The following CD8B2 variants were observed in gnomAD, a reference collection of about 807,000 sequenced individuals.
CD8B2 encodes the protein T-cell surface glycoprotein CD8 beta-2 chain.
In CD8B2, 11 loss-of-function variants were observed where a neutral mutation model predicts 23.7. The ratio of observed to expected loss-of-function variants is 0.46; its 90% confidence interval spans 0.29 to 0.77. The LOEUF is 0.77. Ranked by LOEUF, CD8B2 falls within the 30% of genes least tolerant of loss-of-function variation. The pLI is 0.09. For missense variants in CD8B2, 197 were observed against 270.5 expected (o/e 0.73, Z 1.91); for synonymous variants, 90 against 109.3 (o/e 0.82, Z 1.10).
In CD8B2 at chr2:106,507,761, C is replaced by T. The variant is rs62154010; in HGVS notation, c.*821C>T. ...CAGAAGGAGAAAATTTGTACATCCT[C>T]CTTTTGCACCTGAGATCCTCATTTG... is the stretch of plus-strand genomic sequence containing the variant. On this transcript the variant is annotated 3_prime_UTR_variant, in exon 6 of 6. Transcript: ENST00000643224. 9,086 of 397,834 alleles carry T rather than the reference C, an allele frequency of 0.023. No homozygotes were observed. Among genetic ancestry groups the T allele is most frequent in the Non-Finnish European group, 0.028 (8,289 of 293,006 alleles). The allele number at this position is 397,834 out of a possible 1,614,324, so 24.6% of individuals were successfully genotyped here.
At chr2:106,512,727 G>A (rs1294725258), downstream of CD8B2, among the ~76,000 whole-genome samples, 1 of 152,192 alleles carries the variant, frequency 6.6e-6, no homozygotes, top group Non-Finnish European at 1.5e-5. Flanking sequence ...TTACAGGCAT[G>A]AGCCACCATG....
chr2:106,537,659 C>A (rs1680109827), intron 5 of CD8B2, among the ~76,000 whole-genome samples: 1 of 152,062 alleles, frequency 6.6e-6, no homozygotes. Flanking sequence ...TGTGGAATGC[C>A]CGAGGAAGCG....
chr2:106,533,193 CA>C (rs1680016627), intron 5 of CD8B2, among the ~76,000 whole-genome samples: 1 of 152,136 alleles, frequency 6.6e-6, no homozygotes, highest in African/African-American at 2.4e-5. Flanking sequence ...CCACAGAGGG[CA>C]GAATCCGGGG....
At chr2:106,537,625 T>C (rs967574847) in intron 5 of CD8B2, among the ~76,000 whole-genome samples, 2 of 152,044 alleles carry the variant, frequency 1.3e-5, no homozygotes, top group Non-Finnish European at 2.9e-5. Flanking sequence ...CCTTCAGCTC[T>C]CTAAACACCA....
intron 2 of CD8B2, among the ~76,000 whole-genome samples, chr2:106,494,207 G>A (rs1387490272): frequency 1.3e-5 from 2 of 150,982 alleles, no homozygotes; most frequent in African/African-American, 4.9e-5. Flanking sequence ...GAGTTTAGTG[G>A]CAGGATCTTG....
At chr2:106,522,844 C>T (rs935110536) in intron 5 of CD8B2, among the ~76,000 whole-genome samples, 4 of 152,230 alleles carry the variant, frequency 2.6e-5, no homozygotes, top group Non-Finnish European at 4.4e-5. Flanking sequence ...GCACCTTGTT[C>T]CCTGCCCCAC....
chr2:106,534,073 T>C (rs1386757095), intron 5 of CD8B2, among the ~76,000 whole-genome samples: 1 of 152,182 alleles, frequency 6.6e-6, no homozygotes, highest in Non-Finnish European at 1.5e-5. Flanking sequence ...CAGTTACAAA[T>C]CCCAGTCTGC....
chr2:106,504,510 C>T (rs1679469376), intron 5 of CD8B2, among the ~76,000 whole-genome samples, 185 bp downstream of exon 5: 1 of 152,022 alleles, frequency 6.6e-6, no homozygotes, highest in African/African-American at 2.4e-5. Context: ...CACTTGAGCC[C>T]AGGGGTTCAA....
At chr2:106,513,548 T>TA (rs1679677417), downstream of CD8B2, among the ~76,000 whole-genome samples, 1 of 150,216 alleles carries the variant, frequency 6.7e-6, no homozygotes, top group Non-Finnish European at 1.5e-5. Context: ...AGGGCAAAGT[T>TA]ACGAGGGGAA....
chr2:106,515,994 T>A (rs1358556599), downstream of CD8B2, among the ~76,000 whole-genome samples: 3 of 152,120 alleles, frequency 2.0e-5, no homozygotes, highest in African/African-American at 7.2e-5. Context: ...AGCTAATTTT[T>A]TTTTTTTGTA....
rs1045600854 is a variant in CD8B2 at position 106,503,241 on chromosome 2, G to T, written c.583+678G>T. 2.3e-4 allele frequency among the ~76,000 whole-genome samples: 35 copies of T among 152,142 alleles called. 1 individual carries two copies. The highest frequency in any genetic ancestry group is 7.7e-4 in the African/African-American group (32 of 41,432). Reference sequence around the variant, plus strand: ...CTTCTGCTCACCTGTGCCACCTCGAGCCAGCCCCTTCCCCTCTCTGCGCAT... The same window carrying T: ...CTTCTGCTCACCTGTGCCACCTCGATCCAGCCCCTTCCCCTCTCTGCGCAT... On this transcript the variant is annotated intron_variant, in intron 4 of 5. Coordinates refer to ENST00000643224, the MANE Select transcript of CD8B2 (RefSeq NM_001349727.2).
intron 5 of CD8B2, among the ~76,000 whole-genome samples, chr2:106,532,326 T>G (rs1009210576): frequency 6.6e-6 from 1 of 152,198 alleles, no homozygotes; most frequent in Admixed American, 6.5e-5. Context: ...CAAGGTATTC[T>G]CTTTACACAT....
chr2:106,490,481 A>G (rs905319834), intron 1 of CD8B2, among the ~76,000 whole-genome samples: 3 of 152,164 alleles, frequency 2.0e-5, no homozygotes, highest in African/African-American at 7.2e-5. Context: ...GTACTATGAT[A>G]GTGCCTGTGA....
At chr2:106,492,442 T>C (rs1183758815) in intron 2 of CD8B2, among the ~76,000 whole-genome samples, 2 of 152,170 alleles carry the variant, frequency 1.3e-5, no homozygotes, top group Non-Finnish European at 2.9e-5. Context: ...ATATTTTACA[T>C]TCATTTTTCA....
intron 5 of CD8B2, among the ~76,000 whole-genome samples, chr2:106,533,245 A>T (rs1213928755): frequency 6.6e-6 from 1 of 152,200 alleles, no homozygotes; most frequent in Non-Finnish European, 1.5e-5. Flanking sequence ...GGCTCAGGTC[A>T]TCTGGGCAGC....
chr2:106,518,804 C>G (rs1215206339), intron 5 of CD8B2, among the ~76,000 whole-genome samples: 2 of 151,982 alleles, frequency 1.3e-5, no homozygotes, highest in Non-Finnish European at 2.9e-5. Context: ...CATTTTCCTT[C>G]CTACATTTTC....
At chr2:106,500,912 G>C (rs1341749016) in intron 3 of CD8B2, among the ~76,000 whole-genome samples, 1 of 151,958 alleles carries the variant, frequency 6.6e-6, no homozygotes, top group Non-Finnish European at 1.5e-5. Context: ...TATGAAAATA[G>C]GCCAAAGCTT....
intron 5 of CD8B2, among the ~76,000 whole-genome samples, chr2:106,518,044 A>G (rs1461867968): frequency 3.3e-5 from 5 of 152,130 alleles, no homozygotes; most frequent in South Asian, 2.1e-4. Flanking sequence ...AGCTTGCAAC[A>G]CTGTAACAAT....
rs1410453569 is a variant in CD8B2, at chr2:106,491,110, C to G, written c.280C>G (p.Arg94Gly). ...EVEQEKIAVF[R>G]DASRFILNLT... Reference sequence around the variant, plus strand: ...GGAACAGGAGAAGATAGCTGTGTTTCGGGATGCAAGCCGGTTCATTCTCAA... The same window carrying G: ...GGAACAGGAGAAGATAGCTGTGTTTGGGGATGCAAGCCGGTTCATTCTCAA... The change falls in exon 2 of 6, where the codon CGG becomes GGG. Residue 94 changes from arginine to glycine, a missense_variant. This residue lies in a region of CD8B2 where 140 missense variants were observed against 164.2 expected (regional missense o/e 0.85). Coordinates refer to ENST00000643224, the MANE Select transcript of CD8B2 (RefSeq NM_001349727.2). 1.2e-6 allele frequency: 2 copies of G among 1,613,796 alleles called. No individual in the cohort carries two copies. Among genetic ancestry groups the G allele is most frequent in the African/African-American group, 1.3e-5 (1 of 74,932 alleles).
Sources: gnomAD v4.1 joint callset for allele counts (sites outside exome capture counted in the v4.1 genomes callset) on GRCh38, gnomAD v4.1.1 for gene constraint, gnomAD v4.1.1 regional missense constraint, MANE v1.5 for transcripts, NCBI Gene and HGNC (gene_info 2026-07-23, HGNC 2026-07-21) for gene names.